Variants in LAMA2 observed in about 807,000 individuals in gnomAD.
LAMA2 encodes laminin subunit alpha-2.
LAMA2 carries 269 observed loss-of-function variants against 364.8 expected under a neutral mutation model. The observed-to-expected ratio is 0.74, with a 90% CI of 0.67 to 0.82. The LOEUF (loss-of-function observed/expected upper bound fraction) is 0.82, where lower values mean the gene tolerates loss of function less well. Among genes scored for constraint, LAMA2 ranks in the 40% least tolerant of loss-of-function variants. The probability of loss-of-function intolerance (pLI) is 0.00; values close to 1 mark genes in which losing one functional copy is unlikely to be tolerated. For missense variants in LAMA2, 3,807 were observed against 3,873.2 expected (o/e 0.98, Z 0.45); for synonymous variants, 1,379 against 1,370.6 (o/e 1.01, Z -0.14).
chr6:129,385,713 T>G (rs977949074), intron 35 of LAMA2, among the ~76,000 whole-genome samples: 2 of 152,198 alleles, frequency 1.3e-5, no homozygotes, highest in African/African-American at 4.8e-5. Flanking sequence ...ATTCCACGCA[T>G]TATTAGAATT....
At chr6:129,405,987 T>A (rs4897316) in intron 40 of LAMA2, among the ~76,000 whole-genome samples, 75,686 of 151,274 alleles carry the variant, frequency 0.5, 19,340 homozygotes, top group African/African-American at 0.62. Context: ...AAAGAAACAA[T>A]TTATACATTT....
intron 4 of LAMA2, among the ~76,000 whole-genome samples, chr6:129,131,476 T>A (rs1777472473): frequency 6.6e-6 from 1 of 152,188 alleles, no homozygotes; most frequent in South Asian, 2.1e-4. Context: ...GCCCTGCAGC[T>A]CCCTGTGGTC....
At chr6:128,920,112 T>G (rs1362945390) in intron 1 of LAMA2, among the ~76,000 whole-genome samples, 1 of 152,084 alleles carries the variant, frequency 6.6e-6, no homozygotes, top group Non-Finnish European at 1.5e-5. Flanking sequence ...CTAAAATATC[T>G]CTCTGTTAAC....
chr6:129,028,950 C>T (rs1786029003), intron 1 of LAMA2, among the ~76,000 whole-genome samples: 1 of 151,848 alleles, frequency 6.6e-6, no homozygotes, highest in Non-Finnish European at 1.5e-5. Context: ...CTTTGGCTGT[C>T]TTGACATGCC....
At chr6:129,098,665 T>C (rs184585634) in intron 4 of LAMA2, among the ~76,000 whole-genome samples, 36 of 152,288 alleles carry the variant, frequency 2.4e-4, no homozygotes, top group Non-Finnish European at 4.6e-4. Context: ...AAGTCAATGA[T>C]TAATTTTACA....
chr6:129,063,992 C>A (rs528237505), intron 3 of LAMA2, among the ~76,000 whole-genome samples: 29 of 152,138 alleles, frequency 1.9e-4, no homozygotes, highest in African/African-American at 7.0e-4. Context: ...TTTTAACAAT[C>A]ATTTAAACAT....
At position 129,436,503 on chromosome 6, in the gene LAMA2, C is replaced by CT. The variant is rs141471984; in HGVS notation, c.5969-2135dup. On this transcript the variant is annotated intron_variant, in intron 41 of 64. Transcript: ENST00000421865. ...ATTAGGGTATTTTTATTCCCCCCTC[C>CT]TTTTTTTTATTACAAATGAAGAGCT... 8.1e-3 allele frequency among the ~76,000 whole-genome samples: 1,236 copies of CT among 151,956 alleles called. 15 individuals are homozygous for CT. Among genetic ancestry groups the CT allele is most frequent in the African/African-American group, 0.027 (1,139 of 41,466 alleles).
At chr6:128,906,604 T>C (rs1777488910) in intron 1 of LAMA2, among the ~76,000 whole-genome samples, 1 of 151,804 alleles carries the variant, frequency 6.6e-6, no homozygotes. Flanking sequence ...ACTCTGATGG[T>C]AGTTTCTTTT....
intron 1 of LAMA2, among the ~76,000 whole-genome samples, chr6:128,904,819 G>A (rs1777319114): frequency 1.3e-5 from 2 of 152,084 alleles, no homozygotes; most frequent in Admixed American, 1.3e-4. Flanking sequence ...CATGAAACAT[G>A]TTCTGCATCT....
chr6:129,367,176 C>T (rs112992265), intron 33 of LAMA2, among the ~76,000 whole-genome samples: 2 of 152,084 alleles, frequency 1.3e-5, no homozygotes, highest in African/African-American at 4.8e-5. Flanking sequence ...TGGTAGTTAA[C>T]GAGGTAGGAG....
intron 52 of LAMA2, among the ~76,000 whole-genome samples, chr6:129,475,145 A>C (rs1358349187): frequency 1.3e-5 from 2 of 152,036 alleles, no homozygotes; most frequent in South Asian, 2.1e-4. Context: ...CATATTTCAA[A>C]GTAAAAATTT....
At chr6:129,515,770 A>ATATGT (rs1223273683) in intron 64 of LAMA2, among the ~76,000 whole-genome samples, 1 of 152,186 alleles carries the variant, frequency 6.6e-6, no homozygotes, top group Non-Finnish European at 1.5e-5. Flanking sequence ...AGATGTTTTC[A>ATATGT]TATGTTATAA....
intron 8 of LAMA2, chr6:129,158,130 A>G: frequency 6.2e-7 from 1 of 1,612,448 alleles, no homozygotes; most frequent in Non-Finnish European, 8.5e-7. Flanking sequence ...CAATTTAAGC[A>G]GGGCTCTGGT....
intron 4 of LAMA2, among the ~76,000 whole-genome samples, chr6:129,124,412 C>A (rs1776992370): frequency 6.6e-6 from 1 of 152,094 alleles, no homozygotes; most frequent in South Asian, 2.1e-4. Flanking sequence ...ATTTACCACC[C>A]ATAAGAAAAG....
intron 3 of LAMA2, among the ~76,000 whole-genome samples, chr6:129,080,089 G>A (rs1292980223): frequency 6.6e-6 from 1 of 152,026 alleles, no homozygotes; most frequent in African/African-American, 2.4e-5. Context: ...AGTTACTACT[G>A]GCACTTTTTG....
chr6:129,064,277 TAAG>T (rs923670073), intron 3 of LAMA2, among the ~76,000 whole-genome samples: 9 of 148,662 alleles, frequency 6.1e-5, no homozygotes, highest in African/African-American at 2.2e-4. Context: ...AAAGCAGTTC[TAAG>T]AAGAAAGGCT....
chr6:128,952,689 A>T (rs1173638710), intron 1 of LAMA2, among the ~76,000 whole-genome samples: 1 of 152,146 alleles, frequency 6.6e-6, no homozygotes, highest in African/African-American at 2.4e-5. Context: ...ACACTGTTGG[A>T]TTTCTTCCAT....
At chr6:128,908,006 G>A (rs2114442196) in intron 1 of LAMA2, among the ~76,000 whole-genome samples, 1 of 152,018 alleles carries the variant, frequency 6.6e-6, no homozygotes, top group South Asian at 2.1e-4. Context: ...TGGTGGATAA[G>A]CTTTTTGATG....
At chr6:129,484,479 T>C (rs897854130) in intron 55 of LAMA2, among the ~76,000 whole-genome samples, 1 of 152,224 alleles carries the variant, frequency 6.6e-6, no homozygotes, top group South Asian at 2.1e-4. Flanking sequence ...AGAATGTTTA[T>C]AGAAGTATTC....
Sources: allele counts gnomAD v4.1 joint callset (sites outside exome capture counted in the v4.1 genomes callset), GRCh38; gene constraint gnomAD v4.1.1; transcripts MANE v1.5; gene names NCBI Gene and HGNC (gene_info 2026-07-23, HGNC 2026-07-21).